Variants in ERVK3-1 observed in about 807,000 individuals in gnomAD.
ERVK3-1 encodes the protein HERV-K(HML6-1).
exon 4 of ERVK3-1, chr19:58,314,773 C>T (rs935167938): frequency 7.5e-6 from 3 of 399,934 alleles, no homozygotes; most frequent in African/African-American, 6.2e-5. Flanking sequence ...GAACCACCAA[C>T]CGGCAATTGA....
intron 2 of ERVK3-1, chr19:58,311,911 G>A (rs1034108893): frequency 5.2e-5 from 15 of 286,524 alleles, no homozygotes; most frequent in African/African-American, 2.4e-4. Context: ...ACACTACAAC[G>A]CATGCTGAAA....
chr19:58,314,184 T>C (rs572386494), intron 3 of ERVK3-1, among the ~76,000 whole-genome samples: 3 of 152,336 alleles, frequency 2.0e-5, no homozygotes, highest in African/African-American at 7.2e-5. Context: ...CCATGGAACC[T>C]TGTAAAAGCT....
rs965023833 is a variant in ERVK3-1 at position 58,313,983 on chromosome 19, C to T, written c.295-765C>T. ...CAATATGTAGAAAATTGGACATGTA[C>T]AGCCAACCAGGCATGGATGCTTCAA... On this transcript the variant is annotated intron_variant, in intron 3 of 3. Transcript: ENST00000413518. The surrounding 1 kb of genome is among the most constrained non-coding windows in gnomAD (Gnocchi z 4.5). 1.3e-5 allele frequency among the ~76,000 whole-genome samples: 2 copies of T among 152,194 alleles called. No individual in the cohort carries two copies.
intron 2 of ERVK3-1, among the ~76,000 whole-genome samples, chr19:58,307,667 C>T (rs1237816880): frequency 6.9e-6 from 1 of 144,222 alleles, no homozygotes; most frequent in Non-Finnish European, 1.5e-5. Flanking sequence ...AACACCAGGA[C>T]TTTGCCCTCG....
intron 2 of ERVK3-1, among the ~76,000 whole-genome samples, chr19:58,307,735 C>A (rs1042077495): frequency 2.0e-5 from 3 of 150,276 alleles, no homozygotes; most frequent in East Asian, 3.9e-4. Flanking sequence ...ATCAGAATGG[C>A]ACCCCGCTCT....
At chr19:58,314,725 T>G in intron 3 of ERVK3-1, 23 bp from the exon 4 acceptor site, 1 of 399,952 alleles carries the variant, frequency 2.5e-6, no homozygotes, top group Non-Finnish European at 4.4e-6. Context: ...AATGTTGTTA[T>G]GTCTCTGTTT....
In ERVK3-1 at chr19:58,312,012, G is replaced by T; in HGVS notation, c.-3-154G>T. 2.5e-6 allele frequency: 1 copy of T among 396,722 alleles called. No individual in the cohort carries two copies. The highest frequency in any genetic ancestry group is 4.4e-6 in the Non-Finnish European group (1 of 225,372). The allele number at this position is 396,722 out of a possible 1,614,324, so 24.6% of individuals were successfully genotyped here. ...TTTAAATTGTTTGACTCCTGGTACG[G>T]ATGGCAAGACCCCAGCAGAACGACA... On this transcript the variant is annotated intron_variant, in intron 2 of 3. Transcript: ENST00000413518. This position sits in a 1 kb window ranked among gnomAD's most constrained non-coding sequence, Gnocchi z 4.7.
rs2051547103 is a variant in ERVK3-1 at position 58,310,177 on chromosome 19, T to G, written c.-3-1989T>G. On this transcript the variant is annotated intron_variant, in intron 2 of 3. Coordinates refer to ENST00000413518, the Ensembl canonical transcript of ERVK3-1. This position sits in a 1 kb window ranked among gnomAD's most constrained non-coding sequence, Gnocchi z 4.7. ...TATTCAAGTTTTAAAGCTCACAGCT[T>G]TATTTCCTATTAATATTGTCTGTAA... The G allele has an allele frequency of 6.6e-6, 1 of 152,252 alleles. No individual in the cohort carries two copies. Among genetic ancestry groups the G allele is most frequent in the African/African-American group, 2.4e-5 (1 of 41,454 alleles). The allele number at this position is 152,252 out of a possible 1,614,324, so 9.4% of individuals were successfully genotyped here. A position where few individuals can be genotyped will look rare whatever the true frequency, so the allele number is the denominator to read the frequency against.
chr19:58,316,625 C>T (rs2051594257), downstream of ERVK3-1, among the ~76,000 whole-genome samples: 1 of 152,182 alleles, frequency 6.6e-6, no homozygotes. Context: ...GAGCCAAGAT[C>T]GTGCCTTTGC....
chr19:58,308,588 A>G (rs1001382255), intron 2 of ERVK3-1, among the ~76,000 whole-genome samples: 1 of 152,224 alleles, frequency 6.6e-6, no homozygotes, highest in Admixed American at 6.5e-5. Context: ...AGAGTGGGAA[A>G]GGCTTGGGAA....
At chr19:58,315,851 C>T (rs924837130), downstream of ERVK3-1, among the ~76,000 whole-genome samples, 1 of 152,104 alleles carries the variant, frequency 6.6e-6, no homozygotes, top group Admixed American at 6.5e-5. Context: ...AGGCCTGGGC[C>T]CCTGAAGTCA....
At position 58,310,862 on chromosome 19, in the gene ERVK3-1, G is replaced by T. The variant is rs149305094; in HGVS notation, c.-3-1304G>T. 4.9e-6 allele frequency: 2 copies of T among 405,268 alleles called. No homozygotes were observed. The highest frequency in any genetic ancestry group is 1.0e-5 in the Non-Finnish European group (2 of 198,126). 25.1% of individuals were successfully genotyped at this position (405,268 alleles called of 1,614,324 possible). A position where few individuals can be genotyped will look rare whatever the true frequency, so the allele number is the denominator to read the frequency against. ...ACCCTTTCCCGGTCTGCTAAGTAGC[G>T]GGTGTTGTTCCTTGACACTTTTCGC... On this transcript the variant is annotated intron_variant, in intron 2 of 3. Transcript: ENST00000413518. The surrounding 1 kb of genome is among the most constrained non-coding windows in gnomAD (Gnocchi z 4.7).
intron 2 of ERVK3-1, chr19:58,311,730 C>G (rs75864697): frequency 0.013 from 2,023 of 153,392 alleles, 51 homozygotes; most frequent in African/African-American, 0.045. Context: ...TCTGACGATA[C>G]TGTCTGTCGT....
At chr19:58,307,199 A>G (rs946707384) in intron 2 of ERVK3-1, among the ~76,000 whole-genome samples, 1 of 152,236 alleles carries the variant, frequency 6.6e-6, no homozygotes, top group Non-Finnish European at 1.5e-5. Context: ...GGGTCTCAAT[A>G]AAATCTTTTC....
rs539494373 is a variant in ERVK3-1 at position 58,311,978 on chromosome 19, C to T, written c.-3-188C>T. The T allele has an allele frequency of 1.5e-5, 6 of 389,388 alleles. No individual in the cohort carries two copies. The Admixed American group carries it at 1.8e-4, about 12-fold the overall frequency. The allele number at this position is 389,388 out of a possible 1,614,324, so 24.1% of individuals were successfully genotyped here. On this transcript the variant is annotated intron_variant, in intron 2 of 3. Coordinates refer to ENST00000413518, the Ensembl canonical transcript of ERVK3-1. ...CACTTCAAACAAAATTACATTTAGC[C>T]TTGTTTACTTTAAATTGTTTGACTC...
intron 2 of ERVK3-1, among the ~76,000 whole-genome samples, chr19:58,308,475 G>T (rs957803837): frequency 2.4e-4 from 36 of 152,352 alleles, no homozygotes; most frequent in Admixed American, 1.6e-3. Flanking sequence ...AAATATACGT[G>T]TTAATCTCTG....
rs1355487133 is a variant in ERVK3-1, at chr19:58,312,742, G to T, written c.294+280G>T. On this transcript the variant is annotated intron_variant, in intron 3 of 3. Coordinates refer to ENST00000413518, the Ensembl canonical transcript of ERVK3-1. This position sits in a 1 kb window ranked among gnomAD's most constrained non-coding sequence, Gnocchi z 4.7. The stretch of plus-strand genomic sequence containing the variant: ...GGTTAAGTCACCATGGAAAAATTAT[G>T]TATTTATTAGGCCTCAGCTTTATTA... 6.6e-6 allele frequency among the ~76,000 whole-genome samples: 1 copy of T among 152,254 alleles called. No homozygotes were observed. The highest frequency in any genetic ancestry group is 1.9e-4 in the East Asian group (1 of 5,182).
chr19:58,308,211 C>G (rs1160605771), intron 2 of ERVK3-1, among the ~76,000 whole-genome samples: 1 of 152,222 alleles, frequency 6.6e-6, no homozygotes, highest in Non-Finnish European at 1.5e-5. Flanking sequence ...TACAACTACA[C>G]AGGAAATTTA....
downstream of ERVK3-1, among the ~76,000 whole-genome samples, chr19:58,316,142 G>C (rs1385352160): frequency 6.6e-6 from 1 of 152,122 alleles, no homozygotes; most frequent in African/African-American, 2.4e-5. Flanking sequence ...TCAGAAACCA[G>C]ATATCCCTCT....
Sources: allele counts gnomAD v4.1 joint callset (sites outside exome capture counted in the v4.1 genomes callset), GRCh38; gene constraint gnomAD v4.1.1; non-coding constraint Gnocchi (gnomAD v3.1); transcripts MANE v1.5; gene names NCBI Gene and HGNC (gene_info 2026-07-23, HGNC 2026-07-21).